The following MSRA variants were observed in gnomAD, a reference collection of about 807,000 sequenced individuals.
MSRA encodes the protein mitochondrial peptide methionine sulfoxide reductase.
In MSRA, 54 loss-of-function variants were observed where a neutral mutation model predicts 31.3. That is an observed-to-expected ratio of 1.73 (90% confidence interval 1.39 to 2.17). The LOEUF is 2.17. Among genes scored for constraint, MSRA ranks in the 30% most tolerant of loss-of-function variants. The pLI is 0.00. For missense variants in MSRA, 507 were observed against 300.9 expected (o/e 1.69, Z -5.07); for synonymous variants, 169 against 116.5 (o/e 1.45, Z -2.90).
In MSRA at chr8:10,054,650, C is replaced by A; in HGVS notation, c.134C>A (p.Pro45His). The change falls in exon 1 of 6, where the codon CCT becomes CAT. Residue 45 changes from proline (P) to histidine (H), a missense_variant. Coordinates refer to ENST00000317173, the MANE Select transcript of MSRA (RefSeq NM_012331.5). ...EALPGRKEQT[P>H]VAAKHHVNGN... ...TTGCCGGGCCGGAAGGAACAGACCCCTGTAGCGGGTAAGCACTGGCCACAC... is the reference window on the plus strand; with the variant it reads ...TTGCCGGGCCGGAAGGAACAGACCCATGTAGCGGGTAAGCACTGGCCACAC... 2 of 1,564,804 alleles carry A rather than the reference C, an allele frequency of 1.3e-6. No individual in the cohort carries two copies. The highest frequency in any genetic ancestry group is 2.3e-5 in the South Asian group (2 of 86,536).
chr8:10,064,496 A>G (rs921991801), intron 1 of MSRA, among the ~76,000 whole-genome samples: 1 of 152,184 alleles, frequency 6.6e-6, no homozygotes, highest in Non-Finnish European at 1.5e-5. Context: ...TTAAATTGGC[A>G]TCATGATACA....
intron 1 of MSRA, among the ~76,000 whole-genome samples, chr8:10,188,630 A>C (rs6994636): frequency 0.57 from 86,873 of 151,980 alleles, 26,140 homozygotes; most frequent in African/African-American, 0.78. Flanking sequence ...ATTTAGATAT[A>C]CAGTTGTTCC....
chr8:10,054,982 C>T (rs761871277), intron 1 of MSRA, among the ~76,000 whole-genome samples: 1 of 152,222 alleles, frequency 6.6e-6, no homozygotes, highest in Non-Finnish European at 1.5e-5. Context: ...CCGCTGGGGT[C>T]TGGCCTTGCT....
At chr8:10,319,129 T>C (rs1202390145) in intron 4 of MSRA, among the ~76,000 whole-genome samples, 1 of 152,212 alleles carries the variant, frequency 6.6e-6, no homozygotes, top group Non-Finnish European at 1.5e-5. Context: ...TTCTTGCTTA[T>C]GCCTGCTGGT....
intron 3 of MSRA, among the ~76,000 whole-genome samples, chr8:10,248,554 A>G (rs1447688940): frequency 6.6e-6 from 1 of 152,164 alleles, no homozygotes; most frequent in Non-Finnish European, 1.5e-5. Context: ...CAGCCTCAAC[A>G]GGGGAGAAGT....
chr8:10,246,078 A>G (rs1797608558), intron 3 of MSRA, among the ~76,000 whole-genome samples: 1 of 152,252 alleles, frequency 6.6e-6, no homozygotes, highest in African/African-American at 2.4e-5. Context: ...CTTATAGGCC[A>G]AATCCCACTT....
intron 1 of MSRA, among the ~76,000 whole-genome samples, chr8:10,086,904 G>A (rs975192112): frequency 6.6e-6 from 1 of 151,678 alleles, no homozygotes; most frequent in Non-Finnish European, 1.5e-5. Flanking sequence ...GGGAGAGGGA[G>A]AGGGAGAGAG....
intron 1 of MSRA, among the ~76,000 whole-genome samples, chr8:10,170,183 G>A (rs1805477113): frequency 6.6e-6 from 1 of 151,552 alleles, no homozygotes; most frequent in Non-Finnish European, 1.5e-5. Flanking sequence ...ACTGTGCCGG[G>A]CCTTCCTTGG....
intron 5 of MSRA, among the ~76,000 whole-genome samples, chr8:10,407,073 C>T (rs1807863562): frequency 6.6e-6 from 1 of 151,484 alleles, no homozygotes; most frequent in Non-Finnish European, 1.5e-5. Flanking sequence ...AGGTGAGGTT[C>T]ACTGTGTTAC....
chr8:10,243,157 C>T (rs936980667), intron 2 of MSRA, among the ~76,000 whole-genome samples: 5 of 152,158 alleles, frequency 3.3e-5, no homozygotes, highest in African/African-American at 7.2e-5. Flanking sequence ...GGACCTTGTA[C>T]GTGAAGGTTG....
intron 1 of MSRA, among the ~76,000 whole-genome samples, chr8:10,193,243 A>T (rs531632248): frequency 6.6e-6 from 1 of 152,316 alleles, no homozygotes; most frequent in African/African-American, 2.4e-5. Flanking sequence ...CAGAATTAGC[A>T]CATGAGAAAC....
At chr8:10,390,214 C>G (rs751161027) in intron 5 of MSRA, among the ~76,000 whole-genome samples, 1 of 152,256 alleles carries the variant, frequency 6.6e-6, no homozygotes, top group Non-Finnish European at 1.5e-5. Flanking sequence ...ACAGGGTCTG[C>G]TCTGAGGGGA....
At chr8:10,166,527 ATG>A (rs1361551114) in intron 1 of MSRA, among the ~76,000 whole-genome samples, 4 of 151,688 alleles carry the variant, frequency 2.6e-5, no homozygotes, top group African/African-American at 9.7e-5. Flanking sequence ...GTGTGTGCAT[ATG>A]TGTGTGTGCA....
intron 2 of MSRA, among the ~76,000 whole-genome samples, chr8:10,228,664 C>T (rs1028856423): frequency 1.3e-5 from 2 of 152,108 alleles, no homozygotes; most frequent in African/African-American, 4.8e-5. Context: ...CTTTGAATTC[C>T]AGGCCTTCCT....
intron 5 of MSRA, among the ~76,000 whole-genome samples, chr8:10,400,349 C>T (rs116770115): frequency 7.8e-6 from 1 of 127,574 alleles, no homozygotes; most frequent in Non-Finnish European, 1.7e-5. Context: ...TGGCCTATGA[C>T]CTATTCAGGC....
chr8:10,422,201 G>T (rs996424609), intron 5 of MSRA, among the ~76,000 whole-genome samples: 1 of 152,186 alleles, frequency 6.6e-6, no homozygotes, highest in Non-Finnish European at 1.5e-5. Context: ...TACAAGGATC[G>T]CTTGAGCCCA....
At chr8:10,126,960 C>T (rs906045499) in intron 1 of MSRA, among the ~76,000 whole-genome samples, 9 of 152,234 alleles carry the variant, frequency 5.9e-5, no homozygotes, top group Non-Finnish European at 1.2e-4. Flanking sequence ...CTGCCACTCA[C>T]CTCCTGCTGT....
At chr8:10,071,519 C>G (rs937891505) in intron 1 of MSRA, among the ~76,000 whole-genome samples, 1 of 148,762 alleles carries the variant, frequency 6.7e-6, no homozygotes, top group Admixed American at 6.7e-5. Context: ...TGATGAGTTC[C>G]AGCTTCCTAA....
chr8:10,363,064 T>G (rs1157461097), intron 5 of MSRA, among the ~76,000 whole-genome samples: 1 of 152,174 alleles, frequency 6.6e-6, no homozygotes, highest in Non-Finnish European at 1.5e-5. Context: ...ACTGGTGTGG[T>G]TCCCATTTGG....
Sources: allele counts gnomAD v4.1 joint callset (sites outside exome capture counted in the v4.1 genomes callset), GRCh38; gene constraint gnomAD v4.1.1; transcripts MANE v1.5; gene names NCBI Gene and HGNC (gene_info 2026-07-23, HGNC 2026-07-21).